The following EPB41L2 variants were observed in gnomAD, a reference collection of about 807,000 sequenced individuals.
EPB41L2 encodes erythrocyte membrane protein band 4.1 like 2.
A neutral mutation model predicts 113.0 loss-of-function variants in EPB41L2; 43 were observed. The ratio of observed to expected loss-of-function variants is 0.38; its 90% CI spans 0.30 to 0.49. EPB41L2 has a LOEUF of 0.49. Ranked by LOEUF, EPB41L2 falls within the 20% of genes least tolerant of loss-of-function variation. The pLI, the probability that EPB41L2 is intolerant of heterozygous loss-of-function variation, is 0.95. For synonymous variants in EPB41L2, 442 were observed against 436.7 expected (o/e 1.01, Z -0.15); for missense variants, 1,147 against 1,223.4 (o/e 0.94, Z 0.93).
chr6:131,035,825 G>A (rs955049541), intron 1 of EPB41L2, among the ~76,000 whole-genome samples: 5 of 152,228 alleles, frequency 3.3e-5, no homozygotes, highest in African/African-American at 9.6e-5. Flanking sequence ...GAGTTCAGAA[G>A]TGAGAGGTTA....
At chr6:130,911,246 A>C (rs988549784) in intron 4 of EPB41L2, among the ~76,000 whole-genome samples, 4 of 152,172 alleles carry the variant, frequency 2.6e-5, no homozygotes, top group African/African-American at 7.2e-5. Flanking sequence ...GAAGCTGGAA[A>C]CCATCATTCT....
At chr6:131,033,233 G>A (rs528511751) in intron 1 of EPB41L2, among the ~76,000 whole-genome samples, 2 of 152,126 alleles carry the variant, frequency 1.3e-5, no homozygotes, top group East Asian at 3.9e-4. Flanking sequence ...AAAGACAGGA[G>A]AGAGAGAAAG....
At chr6:130,937,542 TG>T (rs1809226493) in intron 3 of EPB41L2, among the ~76,000 whole-genome samples, 1 of 152,092 alleles carries the variant, frequency 6.6e-6, no homozygotes, top group Non-Finnish European at 1.5e-5. Flanking sequence ...AATGATTGGC[TG>T]GGCGCGGTGG....
chr6:130,850,539 T>C (rs569301887), intron 19 of EPB41L2, among the ~76,000 whole-genome samples: 1 of 152,002 alleles, frequency 6.6e-6, no homozygotes, highest in South Asian at 2.1e-4. Flanking sequence ...TCAGCCTATA[T>C]GGAAAGGGGG....
At chr6:130,933,490 C>G (rs1642122533) in intron 3 of EPB41L2, among the ~76,000 whole-genome samples, 1 of 152,060 alleles carries the variant, frequency 6.6e-6, no homozygotes, top group African/African-American at 2.4e-5. Flanking sequence ...GGGTTGAAAA[C>G]TTTAAAACAA....
In EPB41L2 at chr6:130,839,409, C is replaced by G. The variant is rs1774868655; in HGVS notation, c.*1195G>C. ...ACAGGAAGCAAAATATCATTTAATA[C>G]AACTTGAGGCTGCTATAAATCTAAT... On this transcript the variant is annotated 3_prime_UTR_variant, in exon 20 of 20. Transcript: ENST00000337057. The G allele has an allele frequency of 6.6e-6, 1 of 152,070 alleles. No homozygotes were observed. The highest frequency in any genetic ancestry group is 2.4e-5 in the African/African-American group (1 of 41,408). The allele number at this position is 152,070 out of a possible 1,614,324, so 9.4% of individuals were successfully genotyped here.
chr6:131,054,448 C>CTACGG (rs1167051922), intron 1 of EPB41L2, among the ~76,000 whole-genome samples: 4 of 152,214 alleles, frequency 2.6e-5, no homozygotes, highest in Non-Finnish European at 5.9e-5. Flanking sequence ...CTGTCTGTCT[C>CTACGG]TACGGTCCCT....
chr6:130,958,838 T>C (rs1233504427), intron 1 of EPB41L2, among the ~76,000 whole-genome samples: 2 of 152,194 alleles, frequency 1.3e-5, no homozygotes, highest in Non-Finnish European at 2.9e-5. Flanking sequence ...GGGGGTTATT[T>C]GAAAAGCAAT....
chr6:130,921,804 T>C (rs1413087161), intron 4 of EPB41L2, among the ~76,000 whole-genome samples: 1 of 152,220 alleles, frequency 6.6e-6, no homozygotes, highest in Non-Finnish European at 1.5e-5. Flanking sequence ...CCAGCTGGTA[T>C]TTAGGACAGG....
At position 130,989,502 on chromosome 6, in the gene EPB41L2, G is replaced by C. The variant is rs564959770; in HGVS notation, c.-14-33003C>G. 7.9e-5 allele frequency among the ~76,000 whole-genome samples: 12 copies of C among 152,308 alleles called. 1 individual carries two copies. In the South Asian group the frequency reaches 2.1e-3, roughly 26 times the overall value. ...AAAATAGCTGCTAAAAGAACTGCGG[G>C]AGAGTTGATATTTGGTGGGAGAGAA... On this transcript the variant is annotated intron_variant, in intron 1 of 19. Coordinates refer to ENST00000337057, the MANE Select transcript of EPB41L2 (RefSeq NM_001431.4).
chr6:131,059,200 T>C (rs1363954785), intron 1 of EPB41L2, among the ~76,000 whole-genome samples: 3 of 148,176 alleles, frequency 2.0e-5, no homozygotes, highest in Non-Finnish European at 4.5e-5. Flanking sequence ...CAGCAAGCTC[T>C]GCCTCCCGGG....
chr6:130,937,821 G>GAAAAAAAA (rs66505919), intron 3 of EPB41L2, among the ~76,000 whole-genome samples: 15 of 129,854 alleles, frequency 1.2e-4, no homozygotes, highest in Middle Eastern at 3.9e-3. Context: ...ATCTCAAAAA[G>GAAAAAAAA]AAAAAAAAAA....
intron 1 of EPB41L2, among the ~76,000 whole-genome samples, chr6:131,006,181 T>C (rs1347847021): frequency 1.3e-5 from 2 of 151,408 alleles, no homozygotes; most frequent in African/African-American, 4.8e-5. Context: ...CTCAGCCTCC[T>C]GAGTAGCTGG....
intron 19 of EPB41L2, among the ~76,000 whole-genome samples, chr6:130,856,466 A>G (rs1004378033): frequency 6.6e-6 from 1 of 152,244 alleles, no homozygotes; most frequent in African/African-American, 2.4e-5. Context: ...AGAAAACAAG[A>G]ATGGCTAATA....
chr6:130,995,603 TC>T (rs1442709343), intron 1 of EPB41L2, among the ~76,000 whole-genome samples: 4 of 152,250 alleles, frequency 2.6e-5, no homozygotes, highest in Non-Finnish European at 5.9e-5. Context: ...GTGCAGGTCT[TC>T]AACCTTGGCA....
intron 1 of EPB41L2, among the ~76,000 whole-genome samples, chr6:130,973,101 C>T (rs962129096): frequency 1.3e-5 from 2 of 151,566 alleles, no homozygotes; most frequent in African/African-American, 2.4e-5. Flanking sequence ...GGCTCCATCT[C>T]AAAAAAAATA....
At chr6:131,062,153 T>G (rs2128211509) in intron 1 of EPB41L2, among the ~76,000 whole-genome samples, 1 of 151,560 alleles carries the variant, frequency 6.6e-6, no homozygotes, top group Admixed American at 6.6e-5. Flanking sequence ...AATAATAGAC[T>G]CTAGGCAGTA....
Position 130,885,057 on chromosome 6 carries a change from T to C in EPB41L2, c.1833+39A>G, listed in dbSNP as rs367840470. The C allele has an allele frequency of 3.1e-5, 49 of 1,606,424 alleles. No homozygotes were observed. In the Admixed American group the frequency reaches 5.4e-4, roughly 18 times the overall value. Reference sequence around the variant, plus strand: ...TACAACAGATACCCTCTAGGTTAAGTAAATGTTTAAAACCACATACTGTGC... The same window carrying C: ...TACAACAGATACCCTCTAGGTTAAGCAAATGTTTAAAACCACATACTGTGC... On this transcript the variant is annotated intron_variant, in intron 12 of 19. Transcript: ENST00000337057.
intron 1 of EPB41L2, among the ~76,000 whole-genome samples, chr6:131,014,354 T>C (rs1787713248): frequency 6.6e-6 from 1 of 152,202 alleles, no homozygotes; most frequent in African/African-American, 2.4e-5. Flanking sequence ...AAATTAAAGA[T>C]GACCCTTTAA....
Sources: allele counts gnomAD v4.1 joint callset (sites outside exome capture counted in the v4.1 genomes callset), GRCh38; gene constraint gnomAD v4.1.1; transcripts MANE v1.5; gene names NCBI Gene and HGNC (gene_info 2026-07-23, HGNC 2026-07-21).